DKK2: variants seen among roughly 807,000 people sequenced by gnomAD.
The protein encoded by DKK2 is dickkopf Wnt signaling pathway inhibitor 2.
Under a neutral mutation model 28.1 loss-of-function variants are expected in DKK2, and 11 were observed. The ratio of observed to expected loss-of-function variants is 0.39; its 90% confidence interval spans 0.25 to 0.65. The LOEUF (loss-of-function observed/expected upper bound fraction) is 0.65, where lower values mean the gene tolerates loss of function less well. DKK2 is among the 30% of genes least tolerant of loss of function. The probability of loss-of-function intolerance (pLI) is 0.47; values close to 1 mark genes in which losing one functional copy is unlikely to be tolerated. For synonymous variants in DKK2, 135 were observed against 126.5 expected (o/e 1.07, Z -0.45); for missense variants, 326 against 335.5 (o/e 0.97, Z 0.22).
Position 106,953,553 on chromosome 4 carries a change from C to T in DKK2, c.223-27604G>A, listed in dbSNP as rs143765861. On this transcript the variant is annotated intron_variant, in intron 1 of 3. Transcript: ENST00000285311. ...TCCATTTTGACAGTTTTCAAGGTTACAGATCAGACGTTTCACTCTGTAGAT... is the reference window on the plus strand; with the variant it reads ...TCCATTTTGACAGTTTTCAAGGTTATAGATCAGACGTTTCACTCTGTAGAT... Among the ~76,000 whole-genome samples, 20 of 152,260 alleles carry T rather than the reference C, an allele frequency of 1.3e-4. No homozygotes were observed. The East Asian group carries it at 2.9e-3, about 22-fold the overall frequency.
intron 1 of DKK2, among the ~76,000 whole-genome samples, chr4:106,997,694 T>C (rs1014785563): frequency 6.6e-6 from 1 of 152,240 alleles, no homozygotes. Flanking sequence ...GCGACTTAAA[T>C]GCTGAATTTT....
intron 1 of DKK2, among the ~76,000 whole-genome samples, chr4:106,959,317 A>G (rs1169718184): frequency 6.6e-6 from 1 of 152,182 alleles, no homozygotes; most frequent in African/African-American, 2.4e-5. Context: ...ATTGCCTTAT[A>G]TAAGTTTATG....
chr4:107,025,843 C>G (rs1010148774), intron 1 of DKK2, among the ~76,000 whole-genome samples: 5 of 152,170 alleles, frequency 3.3e-5, no homozygotes, highest in African/African-American at 4.8e-5. Flanking sequence ...AAACTGTCTA[C>G]GTATAATTTA....
At chr4:106,973,612 TC>T (rs1209957899) in intron 1 of DKK2, among the ~76,000 whole-genome samples, 2 of 152,218 alleles carry the variant, frequency 1.3e-5, no homozygotes, top group South Asian at 2.1e-4. Flanking sequence ...TTGTTTAAGT[TC>T]CCTGTAGCTT....
chr4:107,007,228 T>C (rs1474412883), intron 1 of DKK2, among the ~76,000 whole-genome samples: 1 of 152,134 alleles, frequency 6.6e-6, no homozygotes, highest in African/African-American at 2.4e-5. Context: ...TGCTTCTACA[T>C]GGAATTTTAA....
intron 1 of DKK2, among the ~76,000 whole-genome samples, chr4:106,991,752 A>G (rs994472313): frequency 1.2e-4 from 18 of 152,138 alleles, no homozygotes; most frequent in Non-Finnish European, 2.4e-4. Context: ...GCATGTATAC[A>G]CACCAAAATA....
chr4:106,988,868 C>A (rs1160146114), intron 1 of DKK2, among the ~76,000 whole-genome samples: 1 of 152,128 alleles, frequency 6.6e-6, no homozygotes, highest in Non-Finnish European at 1.5e-5. Context: ...CCTCTGTTTT[C>A]ATCCTTTTTC....
chr4:106,970,809 A>T (rs1722858783), intron 1 of DKK2, among the ~76,000 whole-genome samples: 1 of 152,048 alleles, frequency 6.6e-6, no homozygotes, highest in South Asian at 2.1e-4. Flanking sequence ...GAACCTAAAG[A>T]GGGGAAAACT....
In DKK2 at chr4:106,923,927, G is replaced by A. The variant is rs750156654; in HGVS notation, c.*27C>T. On this transcript the variant is annotated 3_prime_UTR_variant, in exon 4 of 4. Coordinates refer to ENST00000285311, the MANE Select transcript of DKK2 (RefSeq NM_014421.3). Reference sequence around the variant, plus strand: ...CATTAAATACACAACTTCACAGTCTGCAATTGATGATGTTCCTCAATGGTG... The same window carrying A: ...CATTAAATACACAACTTCACAGTCTACAATTGATGATGTTCCTCAATGGTG... 6.2e-6 allele frequency: 10 copies of A among 1,608,804 alleles called. No individual in the cohort carries two copies. Among genetic ancestry groups the A allele is most frequent in the Non-Finnish European group, 8.5e-6 (10 of 1,175,682 alleles).
chr4:106,988,735 G>A (rs1047188476), intron 1 of DKK2, among the ~76,000 whole-genome samples: 1 of 152,222 alleles, frequency 6.6e-6, no homozygotes, highest in South Asian at 2.1e-4. Context: ...ACAGTCAGAT[G>A]CAGGAGGATC....
rs1393984521 is a variant in DKK2, at chr4:107,035,862, C to T, written c.-271G>A. The T allele has an allele frequency of 4.0e-6, 2 of 505,322 alleles. No homozygotes were observed. Among genetic ancestry groups the T allele is most frequent in the Non-Finnish European group, 7.2e-6 (2 of 279,398 alleles). The allele number at this position is 505,322 out of a possible 1,614,324, so 31.3% of individuals were successfully genotyped here. On this transcript the variant is annotated 5_prime_UTR_variant, in exon 1 of 4. Coordinates refer to ENST00000285311, the MANE Select transcript of DKK2 (RefSeq NM_014421.3). The stretch of plus-strand genomic sequence containing the variant: ...AGCAATCAAATGCGAGGCGCTTTCT[C>T]GCCAAGGAGGCGTGACCCAAGGTGC...
intron 1 of DKK2, among the ~76,000 whole-genome samples, chr4:106,969,933 GTAAAA>G (rs1219501456): frequency 2.0e-5 from 3 of 152,056 alleles, no homozygotes; most frequent in African/African-American, 7.2e-5. Context: ...TGGCTGGGAA[GTAAAA>G]GAGGGACTCT....
rs1724355573 is a variant in DKK2, at chr4:106,922,193, A to T, written c.*1761T>A. 6.6e-6 allele frequency: 1 copy of T among 152,380 alleles called. No homozygotes were observed. 9.4% of individuals were successfully genotyped at this position (152,380 alleles called of 1,614,324 possible). The stretch of plus-strand genomic sequence containing the variant: ...GTAAGTCTTAATCATCTTAGTAAAT[A>T]TATGTGGGAAGTTGAAATTTTTAAT... On this transcript the variant is annotated 3_prime_UTR_variant, in exon 4 of 4. Coordinates refer to ENST00000285311, the MANE Select transcript of DKK2 (RefSeq NM_014421.3).
chr4:106,946,447 A>G (rs767344592), intron 1 of DKK2, among the ~76,000 whole-genome samples: 1 of 152,130 alleles, frequency 6.6e-6, no homozygotes, highest in African/African-American at 2.4e-5. Flanking sequence ...TTGAAGTTAT[A>G]GAACTGGCAC....
At chr4:106,943,405 A>C (rs2110344407) in intron 1 of DKK2, among the ~76,000 whole-genome samples, 1 of 152,270 alleles carries the variant, frequency 6.6e-6, no homozygotes, top group East Asian at 1.9e-4. Flanking sequence ...AGTGGTTGGA[A>C]GTTTGTAGCA....
chr4:107,010,691 T>C (rs1723504590), intron 1 of DKK2, among the ~76,000 whole-genome samples: 1 of 151,536 alleles, frequency 6.6e-6, no homozygotes, highest in South Asian at 2.1e-4. Context: ...TTCTACTAAC[T>C]ATTGGAAAGG....
chr4:107,035,471 A>C lies in DKK2; in HGVS notation c.121T>G (p.Ser41Ala). The C allele has an allele frequency of 6.2e-7, 1 of 1,614,116 alleles. No homozygotes were observed. Among genetic ancestry groups the C allele is most frequent in the Non-Finnish European group, 8.5e-7 (1 of 1,180,024 alleles). The stretch of plus-strand genomic sequence containing the variant: ...TGACCAGGCGTCTCCCCGCCCAGAG[A>C]GGACTTGATGGAGTTGAGTTTGGCC... ...SRAKLNSIKS[S>A]LGGETPGQAA... The change falls in exon 1 of 4, where the codon TCT becomes GCT. Residue 41 changes from serine (S) to alanine (A), a missense_variant. Physicochemically the swap from Ser to Ala is moderately conservative, Grantham distance 99. Coordinates refer to ENST00000285311, the MANE Select transcript of DKK2 (RefSeq NM_014421.3).
intron 1 of DKK2, among the ~76,000 whole-genome samples, chr4:106,983,364 G>GA (rs1285283015): frequency 7.2e-6 from 1 of 138,160 alleles, no homozygotes; most frequent in East Asian, 2.5e-4. Flanking sequence ...AAGAAAGAAA[G>GA]AAAGAAGAAA....
intron 1 of DKK2, among the ~76,000 whole-genome samples, chr4:107,006,682 C>T (rs1350351132): frequency 1.3e-5 from 2 of 152,176 alleles, no homozygotes; most frequent in Non-Finnish European, 2.9e-5. Flanking sequence ...CTGCATACCT[C>T]TCAATCTAAC....
Sources: gnomAD v4.1 joint callset for allele counts (sites outside exome capture counted in the v4.1 genomes callset) on GRCh38, gnomAD v4.1.1 for gene constraint, MANE v1.5 for transcripts, NCBI Gene and HGNC (gene_info 2026-07-23, HGNC 2026-07-21) for gene names.